PTGFRN: variants seen among roughly 807,000 people sequenced by gnomAD.
PTGFRN encodes prostaglandin F2 receptor inhibitor.
Under a neutral mutation model 83.2 loss-of-function variants are expected in PTGFRN, and 35 were observed. That is an observed-to-expected ratio of 0.42 (90% confidence interval 0.32 to 0.56). The LOEUF is 0.56. PTGFRN is among the 20% of genes least tolerant of loss of function. The pLI is 0.11. For synonymous variants in PTGFRN, 519 were observed against 498.6 expected (o/e 1.04, Z -0.55); for missense variants, 1,051 against 1,179.5 (o/e 0.89, Z 1.60).
chr1:116,917,500 G>A (rs898351298), intron 1 of PTGFRN, among the ~76,000 whole-genome samples: 2 of 152,082 alleles, frequency 1.3e-5, no homozygotes, highest in African/African-American at 4.8e-5. Flanking sequence ...GAGAGGGAGA[G>A]GAGAGCATGG....
At chr1:116,964,720 C>T (rs374257554) in intron 5 of PTGFRN, among the ~76,000 whole-genome samples, 11 of 152,338 alleles carry the variant, frequency 7.2e-5, no homozygotes, top group East Asian at 5.8e-4. Context: ...AGCTTCTGTT[C>T]AAAAGGACGC....
intron 6 of PTGFRN, among the ~76,000 whole-genome samples, chr1:116,970,147 A>G (rs2101082277): frequency 6.8e-6 from 1 of 148,120 alleles, no homozygotes; most frequent in South Asian, 2.2e-4. Flanking sequence ...TGGAAGTAGC[A>G]CAAGTGGACA....
intron 6 of PTGFRN, among the ~76,000 whole-genome samples, chr1:116,971,976 TTCTAA>T (rs1430454439): frequency 1.3e-5 from 2 of 152,122 alleles, no homozygotes; most frequent in African/African-American, 4.8e-5. Flanking sequence ...ACCATGAAAT[TTCTAA>T]TCTGAGAAAA....
chr1:116,971,729 C>T (rs1172430484), intron 6 of PTGFRN, among the ~76,000 whole-genome samples: 1 of 152,152 alleles, frequency 6.6e-6, no homozygotes, highest in Non-Finnish European at 1.5e-5. Context: ...TGTTGATTCC[C>T]ACGTCCAGTA....
chr1:116,961,021 T>G lies in PTGFRN; in HGVS notation c.1214-222T>G. Among the ~76,000 whole-genome samples the G allele has an allele frequency of 6.6e-6, 1 of 151,666 alleles. No individual in the cohort carries two copies. The highest frequency in any genetic ancestry group is 6.6e-5 in the Admixed American group (1 of 15,216). On this transcript the variant is annotated intron_variant, in intron 4 of 8. Coordinates refer to ENST00000393203, the MANE Select transcript of PTGFRN (RefSeq NM_020440.4). The surrounding 1 kb of genome is among the most constrained non-coding windows in gnomAD (Gnocchi z 5.4). Reference sequence around the variant, plus strand: ...ACATTGGGCTTCTGTTCTTGGGAGGTTTTCTTGGGGTGGGAGGTATGAGAA... The same window carrying G: ...ACATTGGGCTTCTGTTCTTGGGAGGGTTTCTTGGGGTGGGAGGTATGAGAA...
chr1:116,930,954 A>G (rs141740282), intron 1 of PTGFRN, among the ~76,000 whole-genome samples: 11 of 152,276 alleles, frequency 7.2e-5, no homozygotes, highest in Non-Finnish European at 1.5e-4. Flanking sequence ...TTGACACTGC[A>G]TGAAGCTTTT....
At chr1:116,956,116 C>G (rs1443359511) in intron 4 of PTGFRN, among the ~76,000 whole-genome samples, 1 of 152,212 alleles carries the variant, frequency 6.6e-6, no homozygotes, top group African/African-American at 2.4e-5. Flanking sequence ...GAACCTGCTC[C>G]TACTCCTACC....
chr1:116,976,163 A>G (rs1651150404), intron 7 of PTGFRN, among the ~76,000 whole-genome samples: 1 of 152,240 alleles, frequency 6.6e-6, no homozygotes, highest in Admixed American at 6.5e-5. Context: ...CGAGAAGAGA[A>G]GTTTAGAGAA....
At chr1:116,910,342 G>A in intron 1 of PTGFRN, 90 bp downstream of exon 1, 4 of 1,161,670 alleles carry the variant, frequency 3.4e-6, no homozygotes, top group South Asian at 4.1e-5. Flanking sequence ...GCGGCCTGGG[G>A]CGCCGAGGGT....
Position 116,967,044 on chromosome 1 carries a change from G to A in PTGFRN, c.1773G>A (p.Lys591=). Residue 591 remains lysine (K), a synonymous_variant, in exon 6 of 9, where the codon AAG becomes AAA. Coordinates refer to ENST00000393203, the MANE Select transcript of PTGFRN (RefSeq NM_020440.4). ...ACTCTGTTCTCATCATGGCTGAGAA[G>A]CCTGTCGGCGACCTCTCCAGTCCCA... is the stretch of plus-strand genomic sequence containing the variant. ...PRYSVLIMAE[K]PVGDLSSPNE... The A allele has an allele frequency of 6.2e-7, 1 of 1,614,202 alleles. No individual in the cohort carries two copies. Among genetic ancestry groups the A allele is most frequent in the Non-Finnish European group, 8.5e-7 (1 of 1,180,040 alleles).
chr1:116,981,398 G>C (rs959756551), intron 7 of PTGFRN, among the ~76,000 whole-genome samples: 1 of 152,160 alleles, frequency 6.6e-6, no homozygotes, highest in Non-Finnish European at 1.5e-5. Flanking sequence ...ATTGTACAGA[G>C]GTCACAAGTT....
chr1:116,951,383 T>C (rs771102774), intron 4 of PTGFRN, among the ~76,000 whole-genome samples: 12 of 152,262 alleles, frequency 7.9e-5, no homozygotes, highest in Non-Finnish European at 1.5e-4. Context: ...TTTGGAGTGC[T>C]ACTACCATTG....
At chr1:116,925,292 G>A (rs1260022241) in intron 1 of PTGFRN, among the ~76,000 whole-genome samples, 1 of 152,048 alleles carries the variant, frequency 6.6e-6, no homozygotes. Context: ...GCTGGGCATG[G>A]TGGCACATAC....
intron 8 of PTGFRN, among the ~76,000 whole-genome samples, chr1:116,985,888 G>C (rs553252920): frequency 3.3e-4 from 50 of 152,136 alleles, no homozygotes; most frequent in African/African-American, 1.1e-3. Flanking sequence ...GTTGTTCCTT[G>C]GTTTACAAAA....
intron 7 of PTGFRN, among the ~76,000 whole-genome samples, chr1:116,981,005 A>G (rs1044193585): frequency 6.6e-6 from 1 of 152,298 alleles, no homozygotes; most frequent in African/African-American, 2.4e-5. Context: ...AGAGGGTGCT[A>G]TTGTAGTTAG....
At chr1:116,913,307 G>A (rs1460163263) in intron 1 of PTGFRN, among the ~76,000 whole-genome samples, 2 of 152,178 alleles carry the variant, frequency 1.3e-5, no homozygotes, top group African/African-American at 4.8e-5. Context: ...AAGGATAGAA[G>A]AGCATTCTGG....
chr1:116,969,822 CGTAA>C (rs1418709499), intron 6 of PTGFRN, among the ~76,000 whole-genome samples: 1 of 151,960 alleles, frequency 6.6e-6, no homozygotes, highest in Non-Finnish European at 1.5e-5. Flanking sequence ...TTAAATTTAT[CGTAA>C]GTATTTTATT....
chr1:116,963,216 A>T (rs1443266481), intron 5 of PTGFRN, among the ~76,000 whole-genome samples: 1 of 152,186 alleles, frequency 6.6e-6, no homozygotes, highest in East Asian at 1.9e-4. Flanking sequence ...GGCTCTTGGC[A>T]CTGCGTGGGA....
chr1:116,969,542 A>C (rs1219240413), intron 6 of PTGFRN, among the ~76,000 whole-genome samples: 1 of 152,142 alleles, frequency 6.6e-6, no homozygotes, highest in Non-Finnish European at 1.5e-5. Context: ...GGAGATTTCC[A>C]ATTTTGTTCT....
Sources: gnomAD v4.1 joint callset for allele counts (sites outside exome capture counted in the v4.1 genomes callset) on GRCh38, gnomAD v4.1.1 for gene constraint, Gnocchi (gnomAD v3.1) non-coding constraint, MANE v1.5 for transcripts, NCBI Gene and HGNC (gene_info 2026-07-23, HGNC 2026-07-21) for gene names.